Variants in MAP2K6 observed in about 807,000 individuals in gnomAD.
The protein encoded by MAP2K6 is mitogen-activated protein kinase kinase 6, also known as dual specificity mitogen-activated protein kinase kinase 6.
Under a neutral mutation model 53.7 loss-of-function variants are expected in MAP2K6, and 16 were observed. The ratio of observed to expected loss-of-function variants is 0.30; its 90% CI spans 0.20 to 0.45. The LOEUF (loss-of-function observed/expected upper bound fraction) is 0.45, where lower values mean the gene tolerates loss of function less well. MAP2K6 is among the 20% of genes least tolerant of loss of function. The pLI, the probability that MAP2K6 is intolerant of heterozygous loss-of-function variation, is 1.00. For synonymous variants in MAP2K6, 132 were observed against 143.1 expected (o/e 0.92, Z 0.55); for missense variants, 204 against 411.9 (o/e 0.50, Z 4.37).
intron 1 of MAP2K6, among the ~76,000 whole-genome samples, chr17:69,442,523 A>G (rs1299790357): frequency 6.6e-6 from 1 of 152,206 alleles, no homozygotes; most frequent in African/African-American, 2.4e-5. Context: ...ACCTCTGTCC[A>G]TAATAGCATT....
chr17:69,523,497 G>C lies in MAP2K6; in HGVS notation c.536-17G>C, dbSNP rs906019014. The C allele has an allele frequency of 4.3e-6, 7 of 1,612,824 alleles. No homozygotes were observed. Among genetic ancestry groups the C allele is most frequent in the Admixed American group, 1.7e-5 (1 of 59,992 alleles). On this transcript the variant is annotated splice_polypyrimidine_tract_variant and intron_variant, in intron 7 of 11. Transcript: ENST00000590474. ...AGCAGGCTGAAATGATGGCATCCTG[G>C]TTGTTTTCGCTTTCAGACGTCAAGC...
intron 1 of MAP2K6, among the ~76,000 whole-genome samples, chr17:69,499,058 A>T (rs748756955): frequency 2.0e-5 from 3 of 152,308 alleles, no homozygotes; most frequent in Admixed American, 6.5e-5. Context: ...ATGGATACTG[A>T]GGCAATGTAA....
At chr17:69,508,568 A>T (rs1042839392) in intron 2 of MAP2K6, among the ~76,000 whole-genome samples, 1 of 152,160 alleles carries the variant, frequency 6.6e-6, no homozygotes, top group Non-Finnish European at 1.5e-5. Context: ...TATATATGTG[A>T]TATGAAAATA....
chr17:69,508,957 T>C (rs890152367), intron 2 of MAP2K6, among the ~76,000 whole-genome samples: 1 of 152,254 alleles, frequency 6.6e-6, no homozygotes, highest in Non-Finnish European at 1.5e-5. Flanking sequence ...TTTATTCTGT[T>C]CCACTGATTT....
At chr17:69,469,818 C>T (rs1907928828) in intron 1 of MAP2K6, among the ~76,000 whole-genome samples, 1 of 152,024 alleles carries the variant, frequency 6.6e-6, no homozygotes, top group African/African-American at 2.4e-5. Flanking sequence ...GGTTGATGAC[C>T]TTGACAAGAG....
At chr17:69,445,181 A>G (rs921025740) in intron 1 of MAP2K6, among the ~76,000 whole-genome samples, 1 of 152,182 alleles carries the variant, frequency 6.6e-6, no homozygotes, top group South Asian at 2.1e-4. Flanking sequence ...TCGGCCTCCC[A>G]AAGTGCTGAG....
intron 1 of MAP2K6, among the ~76,000 whole-genome samples, chr17:69,490,145 T>C (rs960433862): frequency 2.6e-5 from 4 of 152,204 alleles, no homozygotes; most frequent in African/African-American, 9.7e-5. Flanking sequence ...TCATGAGGAA[T>C]TTCAGGCCTG....
Position 69,486,424 on chromosome 17 carries a change from T to C in MAP2K6, c.17-19356T>C, listed in dbSNP as rs117785007. Reference sequence around the variant, plus strand: ...AGTGTGTTCATTTCACTTTGAATGTTAAGGTTTCTGGCATGAAGCCAGATT... The same window carrying C: ...AGTGTGTTCATTTCACTTTGAATGTCAAGGTTTCTGGCATGAAGCCAGATT... On this transcript the variant is annotated intron_variant, in intron 1 of 11. Transcript: ENST00000590474. Among the ~76,000 whole-genome samples, 90 of 152,344 alleles carry C rather than the reference T, an allele frequency of 5.9e-4. 1 individual carries two copies. In the East Asian group the frequency reaches 0.016, roughly 28 times the overall value.
chr17:69,424,034 T>C (rs1906182310), intron 1 of MAP2K6, among the ~76,000 whole-genome samples: 1 of 152,192 alleles, frequency 6.6e-6, no homozygotes, highest in South Asian at 2.1e-4. Flanking sequence ...ATCATTTCTT[T>C]TGTGTCAACG....
chr17:69,485,184 C>T (rs1376922896), intron 1 of MAP2K6: 1 of 152,058 alleles, frequency 6.6e-6, no homozygotes, highest in Non-Finnish European at 1.5e-5. Context: ...ACAATTCAAA[C>T]TCTTCAGTAG....
chr17:69,416,362 G>A (rs1216154076), intron 1 of MAP2K6, among the ~76,000 whole-genome samples: 2 of 152,268 alleles, frequency 1.3e-5, no homozygotes, highest in African/African-American at 2.4e-5. Flanking sequence ...GAGTGCTGAA[G>A]AACCTAGGAA....
At chr17:69,432,108 AT>A (rs1906481119) in intron 1 of MAP2K6, among the ~76,000 whole-genome samples, 1 of 152,244 alleles carries the variant, frequency 6.6e-6, no homozygotes, top group Admixed American at 6.5e-5. Flanking sequence ...CTGAAAGGAA[AT>A]GCATTAAGCA....
intron 1 of MAP2K6, among the ~76,000 whole-genome samples, chr17:69,476,842 C>T (rs1598280597): frequency 6.6e-6 from 1 of 152,218 alleles, no homozygotes; most frequent in African/African-American, 2.4e-5. Context: ...GTGGTAATAG[C>T]TAGGTCATTG....
chr17:69,532,903 T>C (rs1330602357), intron 10 of MAP2K6, among the ~76,000 whole-genome samples: 2 of 152,172 alleles, frequency 1.3e-5, no homozygotes, highest in African/African-American at 4.8e-5. Flanking sequence ...CCATATTTTC[T>C]TTATACAGAG....
rs1238994101 is a variant in MAP2K6, at chr17:69,514,960, GT to G, written c.84-1892del. 3.9e-5 allele frequency among the ~76,000 whole-genome samples: 6 copies of G among 152,156 alleles called. No homozygotes were observed. The East Asian group carries it at 9.7e-4, about 24-fold the overall frequency. Reference sequence around the variant, plus strand: ...TTAGAAAAAATCCTCATTGGCAAAGGTTTCTTTTCTCTCTCACTTTCATCTT... The same window carrying G: ...TTAGAAAAAATCCTCATTGGCAAAGGTTCTTTTCTCTCTCACTTTCATCTT... On this transcript the variant is annotated intron_variant, in intron 2 of 11. Transcript: ENST00000590474.
At chr17:69,451,962 G>A (rs568227346) in intron 1 of MAP2K6, among the ~76,000 whole-genome samples, 71 of 152,224 alleles carry the variant, frequency 4.7e-4, no homozygotes, top group Non-Finnish European at 9.0e-4. Context: ...TGGGTGGCAA[G>A]GAGGCTGTTG....
intron 1 of MAP2K6, among the ~76,000 whole-genome samples, chr17:69,489,755 A>G (rs1415633401): frequency 6.6e-6 from 1 of 152,184 alleles, no homozygotes; most frequent in Non-Finnish European, 1.5e-5. Flanking sequence ...TCAGATTTAA[A>G]TTTTTTGATT....
chr17:69,471,939 C>T (rs975861616), intron 1 of MAP2K6, among the ~76,000 whole-genome samples: 9 of 152,164 alleles, frequency 5.9e-5, no homozygotes, highest in Non-Finnish European at 1.3e-4. Context: ...TTTCTAGAAG[C>T]TGCAGTATCT....
chr17:69,544,330 G>T lies in MAP2K6; in HGVS notation c.*2577G>T, dbSNP rs1189068760. 1 of 152,272 alleles carries T rather than the reference G, an allele frequency of 6.6e-6. No homozygotes were observed. The highest frequency in any genetic ancestry group is 1.9e-4 in the East Asian group (1 of 5,186). The allele number at this position is 152,272 out of a possible 1,614,324, so 9.4% of individuals were successfully genotyped here. A position where few individuals can be genotyped will look rare whatever the true frequency, so the allele number is the denominator to read the frequency against. On this transcript the variant is annotated 3_prime_UTR_variant, in exon 12 of 12. Transcript: ENST00000590474. ...TCTTACACGGTAAAGTCAAAAGAATGACCTGATAGCCTCACAAGACTAAAT... is the reference window on the plus strand; with the variant it reads ...TCTTACACGGTAAAGTCAAAAGAATTACCTGATAGCCTCACAAGACTAAAT...
Sources: allele counts gnomAD v4.1 joint callset (sites outside exome capture counted in the v4.1 genomes callset), GRCh38; gene constraint gnomAD v4.1.1; transcripts MANE v1.5; gene names NCBI Gene and HGNC (gene_info 2026-07-23, HGNC 2026-07-21).